PRKDC: variants seen among roughly 807,000 people sequenced by gnomAD.
PRKDC encodes the protein protein kinase, DNA-activated, catalytic subunit, also known as DNA-dependent protein kinase catalytic subunit.
Under a neutral mutation model 486.9 loss-of-function variants are expected in PRKDC, and 82 were observed. The ratio of observed to expected loss-of-function variants is 0.17; its 90% CI spans 0.14 to 0.20. The LOEUF (loss-of-function observed/expected upper bound fraction) is 0.20. PRKDC is among the 10% of genes least tolerant of loss of function. The pLI, the probability that PRKDC is intolerant of heterozygous loss-of-function variation, is 1.00. For synonymous variants in PRKDC, 1,895 were observed against 1,837.0 expected, an observed-to-expected ratio of 1.03 and a Z score of -0.81; for missense variants, 4,504 against 5,038.2, an observed-to-expected ratio of 0.89 and a Z score of 3.21.
At chr8:47,930,828 A>G (rs2090238062) in intron 16 of PRKDC, 41 bp from the exon 17 acceptor site, 11 of 1,495,468 alleles carry the variant, frequency 7.4e-6, no homozygotes, top group Non-Finnish European at 9.9e-6. Flanking sequence ...GTACCATTCA[A>G]TCACGAATCA....
Position 47,902,581 on chromosome 8 carries a change from T to C in PRKDC, c.3257A>G (p.Tyr1086Cys), listed in dbSNP as rs2040246227. Residue 1086 changes from tyrosine to cysteine, a missense_variant, in exon 27 of 86, where the codon TAC becomes TGC. Physicochemically the swap from Tyr to Cys is radical, Grantham distance 194 (BLOSUM62 -2). Transcript: ENST00000314191. ...GTAGCTTACAAACCTGAATTCCCTG[T>C]AGATATTATTAAAGGCAAGTGATGC... ...LGASLAFNNI[Y>C]REFREEESLV... 1.9e-6 allele frequency: 3 copies of C among 1,584,118 alleles called. No homozygotes were observed. Among genetic ancestry groups the C allele is most frequent in the Non-Finnish European group, 1.7e-6 (2 of 1,167,596 alleles).
At chr8:47,862,675 A>G (rs1033677687) in intron 42 of PRKDC, 134 bp from the exon 43 acceptor site, 2 of 750,408 alleles carry the variant, frequency 2.7e-6, no homozygotes, top group African/African-American at 1.8e-5. Flanking sequence ...GCAGAGTATT[A>G]GGCACTGGGA....
intron 21 of PRKDC, among the ~76,000 whole-genome samples, chr8:47,921,789 T>C (rs1188863423): frequency 6.6e-6 from 1 of 152,222 alleles, no homozygotes; most frequent in Non-Finnish European, 1.5e-5. Flanking sequence ...TGCATGCTTT[T>C]GATTTTCTTT....
In PRKDC at chr8:47,785,034, T is replaced by G. The variant is rs2086767344; in HGVS notation, c.11107+79A>C. The stretch of plus-strand genomic sequence containing the variant: ...ATAACTGTCAATATCCCAGTATCAC[T>G]ATTCCAGAAACCACGAGTTCTTATT... On this transcript the variant is annotated intron_variant, in intron 77 of 85. Transcript: ENST00000314191. 3 of 1,368,426 alleles carry G rather than the reference T, an allele frequency of 2.2e-6. No homozygotes were observed. In the South Asian group the frequency reaches 3.7e-5, roughly 17 times the overall value. The allele number at this position is 1,368,426 out of a possible 1,614,324, so 84.8% of individuals were successfully genotyped here.
At chr8:47,831,480 C>T (rs529432080) in intron 60 of PRKDC, among the ~76,000 whole-genome samples, 2 of 152,316 alleles carry the variant, frequency 1.3e-5, no homozygotes, top group East Asian at 3.9e-4. Context: ...TCCCAGCCCC[C>T]AGCTGCCCTC....
At chr8:47,935,989 A>C in intron 12 of PRKDC, 89 bp from the exon 13 acceptor site, 1 of 1,244,716 alleles carries the variant, frequency 8.0e-7, no homozygotes, top group Non-Finnish European at 1.1e-6. Context: ...TTACAACTGA[A>C]TTAGATACTT....
At chr8:47,872,342 C>T (rs2088972841) in intron 40 of PRKDC, among the ~76,000 whole-genome samples, 1 of 151,546 alleles carries the variant, frequency 6.6e-6, no homozygotes. Context: ...ATAACCTTCA[C>T]TAAAAGGAAG....
chr8:47,830,561 CAG>C, intron 61 of PRKDC, 42 bp downstream of exon 61: 1 of 1,601,020 alleles, frequency 6.2e-7, no homozygotes, highest in Non-Finnish European at 8.5e-7. Flanking sequence ...GAACTGGAAA[CAG>C]ATTTTAACCT....
chr8:47,942,730 T>G (rs2090466013), intron 10 of PRKDC, among the ~76,000 whole-genome samples: 1 of 152,204 alleles, frequency 6.6e-6, no homozygotes, highest in Non-Finnish European at 1.5e-5. Context: ...AAGCACGGTC[T>G]CCTCAGCCGA....
At chr8:47,954,186 T>C (rs535509508) in intron 5 of PRKDC, among the ~76,000 whole-genome samples, 152 bp downstream of exon 5, 1 of 152,328 alleles carries the variant, frequency 6.6e-6, no homozygotes, top group Admixed American at 6.5e-5. Context: ...CTTCACATGT[T>C]GTTTTTGTTT....
At chr8:47,817,321 A>G (rs2087468699) in intron 68 of PRKDC, 129 bp downstream of exon 68, 4 of 657,332 alleles carry the variant, frequency 6.1e-6, no homozygotes, top group Admixed American at 2.7e-5. Context: ...TACATGGGAA[A>G]CAGGAAGGAT....
At chr8:47,855,410 A>G in intron 49 of PRKDC, 37 bp from the exon 50 acceptor site, 1 of 1,522,564 alleles carries the variant, frequency 6.6e-7, no homozygotes, top group Non-Finnish European at 8.8e-7. Flanking sequence ...AATATGCGGC[A>G]TTCCATTCTG....
At chr8:47,878,516 C>T (rs1212034083) in intron 39 of PRKDC, among the ~76,000 whole-genome samples, 1 of 152,118 alleles carries the variant, frequency 6.6e-6, no homozygotes, top group East Asian at 1.9e-4. Context: ...CAGGGACTCT[C>T]GCCCTTACTC....
intron 85 of PRKDC, 105 bp from the exon 86 acceptor site, chr8:47,774,482 C>T (rs2086570823): frequency 1.8e-6 from 2 of 1,082,238 alleles, no homozygotes; most frequent in South Asian, 3.2e-5. Flanking sequence ...TCATCACTCA[C>T]AGAGTATTTT....
At chr8:47,810,326 T>A (rs2087300993) in intron 68 of PRKDC, among the ~76,000 whole-genome samples, 1 of 152,256 alleles carries the variant, frequency 6.6e-6, no homozygotes, top group Non-Finnish European at 1.5e-5. Context: ...TATAGTATAC[T>A]GTTTGAATTA....
chr8:47,794,539 ATC>A (rs1435233501), intron 73 of PRKDC, 38 bp from the exon 74 acceptor site: 17 of 1,448,052 alleles, frequency 1.2e-5, no homozygotes, highest in Admixed American at 2.0e-5. Flanking sequence ...TGAGTAAAAC[ATC>A]TCACATCATC....
chr8:47,799,375 A>T lies in PRKDC; in HGVS notation c.10132T>A (p.Tyr3378Asn). The T allele has an allele frequency of 6.4e-7, 1 of 1,568,874 alleles. No individual in the cohort carries two copies. Among genetic ancestry groups the T allele is most frequent in the Non-Finnish European group, 8.6e-7 (1 of 1,160,956 alleles). Residue 3378 changes from tyrosine to asparagine, a missense_variant, in exon 72 of 86, where the codon TAC (tyrosine) becomes AAC (asparagine). Physicochemically the swap from Tyr to Asn is moderately radical, Grantham distance 143. This residue lies in a region of PRKDC where 1,592 missense variants were observed against 1,724.6 expected (regional missense o/e 0.92). Coordinates refer to ENST00000314191, the MANE Select transcript of PRKDC (RefSeq NM_006904.7). Reference protein sequence around the residue: ...EDSEKVIAGLYQRAFQHLSEA... With the variant: ...EDSEKVIAGLNQRAFQHLSEA... ...GAGAGGTGCTGGAATGCTCTCTGGT[A>T]CAGACCCGCGATCACCTGGAATTCA...
chr8:47,810,969 T>A (rs576401529), intron 68 of PRKDC, among the ~76,000 whole-genome samples: 1 of 152,308 alleles, frequency 6.6e-6, no homozygotes, highest in East Asian at 1.9e-4. Context: ...TATGTGTAAC[T>A]GCATTCCCAC....
intron 68 of PRKDC, among the ~76,000 whole-genome samples, chr8:47,814,850 T>C (rs908340382): frequency 6.6e-6 from 1 of 152,144 alleles, no homozygotes; most frequent in Non-Finnish European, 1.5e-5. Flanking sequence ...GCAGATCAAC[T>C]AAAATAAAGT....
Sources: allele counts gnomAD v4.1 joint callset (sites outside exome capture counted in the v4.1 genomes callset), GRCh38; gene constraint gnomAD v4.1.1; regional missense constraint gnomAD v4.1.1; transcripts MANE v1.5; gene names NCBI Gene and HGNC (gene_info 2026-07-23, HGNC 2026-07-21).